Variants in GRIA4 observed in about 807,000 individuals in gnomAD.
GRIA4 encodes glutamate ionotropic receptor AMPA type subunit 4.
A neutral mutation model predicts 104.0 loss-of-function variants in GRIA4; 34 were observed. That is an observed-to-expected ratio of 0.33 (90% CI 0.25 to 0.44). GRIA4 has a LOEUF of 0.44. GRIA4 is among the 20% of genes least tolerant of loss of function. GRIA4 has a pLI of 1.00. For synonymous variants in GRIA4, 386 were observed against 381.9 expected, an observed-to-expected ratio of 1.01 and a Z score of -0.13; for missense variants, 750 against 1,096.5, an observed-to-expected ratio of 0.68 and a Z score of 4.46.
At chr11:105,761,151 A>T (rs1940622860) in intron 4 of GRIA4, among the ~76,000 whole-genome samples, 1 of 152,142 alleles carries the variant, frequency 6.6e-6, no homozygotes, top group Admixed American at 6.6e-5. Flanking sequence ...ATATACTTTG[A>T]TACAAAATAT....
intron 4 of GRIA4, among the ~76,000 whole-genome samples, chr11:105,843,994 A>G (rs1944484687): frequency 6.6e-6 from 1 of 152,148 alleles, no homozygotes; most frequent in African/African-American, 2.4e-5. Flanking sequence ...TCTGTTTTCT[A>G]AGACATAGCC....
chr11:105,722,239 G>A (rs1013708155), intron 3 of GRIA4, among the ~76,000 whole-genome samples: 8 of 152,070 alleles, frequency 5.3e-5, no homozygotes, highest in African/African-American at 1.7e-4. Flanking sequence ...TTTATGATGG[G>A]TTTATCAGGG....
rs572721985 is a variant in GRIA4 at position 105,878,062 on chromosome 11, C to G, written c.673-9457C>G. On this transcript the variant is annotated intron_variant, in intron 5 of 16. Transcript: ENST00000282499. ...CTTCATGGATTTATCTACCTTTTGT[C>G]TTTGATGTTGGTGACCTTCAGATGG... Among the ~76,000 whole-genome samples, 18 of 152,244 alleles carry G rather than the reference C, an allele frequency of 1.2e-4. No homozygotes were observed. In the South Asian group the frequency reaches 3.7e-3, roughly 32 times the overall value.
intron 4 of GRIA4, among the ~76,000 whole-genome samples, chr11:105,772,981 T>C (rs1941280990): frequency 1.3e-5 from 2 of 152,096 alleles, no homozygotes. Flanking sequence ...ATCTCAAGTC[T>C]AAACACAGCA....
chr11:105,850,719 A>C (rs1199623478), intron 4 of GRIA4, among the ~76,000 whole-genome samples: 1 of 152,048 alleles, frequency 6.6e-6, no homozygotes, highest in East Asian at 1.9e-4. Flanking sequence ...TGGGGAGGGG[A>C]GAATTGGGAG....
chr11:105,967,936 A>G (rs1375676609), intron 14 of GRIA4, among the ~76,000 whole-genome samples: 1 of 152,106 alleles, frequency 6.6e-6, no homozygotes, highest in Non-Finnish European at 1.5e-5. Flanking sequence ...AACTTACCTT[A>G]CCCCTCCCAT....
At chr11:105,940,971 T>C (rs1948167786) in intron 14 of GRIA4, among the ~76,000 whole-genome samples, 1 of 152,170 alleles carries the variant, frequency 6.6e-6, no homozygotes, top group Non-Finnish European at 1.5e-5. Context: ...CTCTCCAAAA[T>C]AATCAATCAC....
At chr11:105,621,704 T>C (rs1316919574) in intron 3 of GRIA4, among the ~76,000 whole-genome samples, 2 of 151,814 alleles carry the variant, frequency 1.3e-5, no homozygotes, top group Non-Finnish European at 1.5e-5. Flanking sequence ...TGAGTGACTA[T>C]TCCTGCAAGA....
At chr11:105,894,635 T>C (rs554774460) in intron 6 of GRIA4, among the ~76,000 whole-genome samples, 17 of 151,142 alleles carry the variant, frequency 1.1e-4, no homozygotes, top group Admixed American at 2.0e-4. Context: ...TACTTCACTA[T>C]AAAAGAAAAA....
At chr11:105,653,920 A>G (rs1951754436) in intron 3 of GRIA4, among the ~76,000 whole-genome samples, 1 of 148,264 alleles carries the variant, frequency 6.7e-6, no homozygotes, top group African/African-American at 2.5e-5. Context: ...TTTGTGGGGG[A>G]AAATGACCTG....
chr11:105,675,907 A>G (rs1240290554), intron 3 of GRIA4, among the ~76,000 whole-genome samples: 2 of 151,940 alleles, frequency 1.3e-5, no homozygotes, highest in East Asian at 3.9e-4. Flanking sequence ...GAGTTCTTTC[A>G]TTTGTTCCTA....
At chr11:105,645,095 T>G (rs1036370950) in intron 3 of GRIA4, among the ~76,000 whole-genome samples, 1 of 152,152 alleles carries the variant, frequency 6.6e-6, no homozygotes, top group African/African-American at 2.4e-5. Flanking sequence ...CTATTTTGGT[T>G]TGCAGATGCA....
chr11:105,782,236 A>G (rs1941761294), intron 4 of GRIA4, among the ~76,000 whole-genome samples: 2 of 152,174 alleles, frequency 1.3e-5, no homozygotes, highest in Admixed American at 6.6e-5. Context: ...GAATCTCACA[A>G]TTAATCAGTG....
At chr11:105,893,299 A>AT (rs1250790908) in intron 6 of GRIA4, among the ~76,000 whole-genome samples, 2 of 152,238 alleles carry the variant, frequency 1.3e-5, no homozygotes, top group Non-Finnish European at 2.9e-5. Context: ...TATTCTTTGG[A>AT]TAAAAATTGA....
chr11:105,695,085 C>T (rs1953220396), intron 3 of GRIA4, among the ~76,000 whole-genome samples: 1 of 152,178 alleles, frequency 6.6e-6, no homozygotes, highest in Non-Finnish European at 1.5e-5. Flanking sequence ...TTCTCCTATT[C>T]TGCTATGCAG....
At chr11:105,920,342 T>TTG (rs1947525254) in intron 11 of GRIA4, among the ~76,000 whole-genome samples, 1 of 152,210 alleles carries the variant, frequency 6.6e-6, no homozygotes, top group South Asian at 2.1e-4. Context: ...TATTTTAAAC[T>TTG]TTTGATACAG....
intron 3 of GRIA4, among the ~76,000 whole-genome samples, chr11:105,752,612 G>GA (rs887718956): frequency 4.6e-5 from 7 of 151,970 alleles, no homozygotes; most frequent in Non-Finnish European, 1.0e-4. Context: ...TTTGCATGTA[G>GA]AAAAAAATAC....
chr11:105,839,444 CT>C (rs5794431), intron 4 of GRIA4, among the ~76,000 whole-genome samples: 75 of 140,170 alleles, frequency 5.4e-4, no homozygotes, highest in East Asian at 1.4e-3. Flanking sequence ...CAGTGACTTC[CT>C]TTTTTTTTTT....
At chr11:105,709,343 T>C (rs542620497) in intron 3 of GRIA4, among the ~76,000 whole-genome samples, 1 of 151,976 alleles carries the variant, frequency 6.6e-6, no homozygotes, top group Non-Finnish European at 1.5e-5. Flanking sequence ...CAATGAATAA[T>C]GTAGAAGGAT....
Sources: gnomAD v4.1 joint callset for allele counts (sites outside exome capture counted in the v4.1 genomes callset) on GRCh38, gnomAD v4.1.1 for gene constraint, MANE v1.5 for transcripts, NCBI Gene and HGNC (gene_info 2026-07-23, HGNC 2026-07-21) for gene names.